ATRX: variants seen among roughly 807,000 people sequenced by gnomAD.
ATRX encodes the protein chromatin remodeler ATRX.
In ATRX, 12 loss-of-function variants were observed where a neutral mutation model predicts 172.6. The observed-to-expected ratio is 0.07, with a 90% CI of 0.04 to 0.11. The LOEUF is 0.11. Ranked by LOEUF, ATRX falls within the 10% of genes least tolerant of loss-of-function variation. The pLI, the probability that ATRX is intolerant of heterozygous loss-of-function variation, is 1.00. For missense variants in ATRX, 1,368 were observed against 1,767.4 expected (o/e 0.77, Z 4.05); for synonymous variants, 674 against 594.7 (o/e 1.13, Z -1.94).
At chrX:77,728,596 C>T (rs1468294183) in intron 1 of ATRX, among the ~76,000 whole-genome samples, 1 of 110,780 alleles carries the variant, frequency 9.0e-6, no homozygotes, top group Admixed American at 9.7e-5. Flanking sequence ...AATGACTATT[C>T]ATTGTAGGCT....
At chrX:77,758,615 G>A (rs1028678848) in intron 1 of ATRX, among the ~76,000 whole-genome samples, 6 of 108,165 alleles carry the variant, frequency 5.5e-5, no homozygotes, top group Non-Finnish European at 1.1e-4. Context: ...AAAATTAGCC[G>A]GGTGTGGTGG....
At chrX:77,779,148 T>G (rs1479921616) in intron 1 of ATRX, among the ~76,000 whole-genome samples, 1 of 97,357 alleles carries the variant, frequency 1.0e-5, no homozygotes, top group African/African-American at 3.8e-5. Flanking sequence ...TTTCACCATG[T>G]TAGCCAGGAT....
rs186404135 is a variant in ATRX, at chrX:77,593,684, T to C, written c.6110+12A>G. On this transcript the variant is annotated intron_variant, in intron 26 of 34. Coordinates refer to ENST00000373344, the MANE Select transcript of ATRX (RefSeq NM_000489.6). Reference sequence around the variant, plus strand: ...AGGTTAATTTATATAATAAATATGGTAAAGCACTTACACTTTATCCCCAAT... The same window carrying C: ...AGGTTAATTTATATAATAAATATGGCAAAGCACTTACACTTTATCCCCAAT... 60 of 1,198,417 alleles carry C rather than the reference T, an allele frequency of 5.0e-5. No homozygotes were observed. In the South Asian group the frequency reaches 9.0e-4, roughly 18 times the overall value.
At chrX:77,760,318 C>T (rs1420344724) in intron 1 of ATRX, among the ~76,000 whole-genome samples, 1 of 105,467 alleles carries the variant, frequency 9.5e-6, no homozygotes, top group Non-Finnish European at 1.9e-5. Context: ...CTTACATAAA[C>T]GTATAAAACT....
intron 4 of ATRX, 65 bp downstream of exon 4, chrX:77,697,518 G>C (rs1265761033): frequency 8.9e-7 from 1 of 1,118,080 alleles, no homozygotes; most frequent in African/African-American, 1.8e-5. Flanking sequence ...AAAAAAACAT[G>C]GTTTTAGAAA....
intron 19 of ATRX, among the ~76,000 whole-genome samples, chrX:77,629,158 C>T: frequency 8.9e-6 from 1 of 112,271 alleles, no homozygotes; most frequent in South Asian, 3.7e-4. Context: ...ATTTTGTTTC[C>T]ATCTTGAACT....
intron 27 of ATRX, among the ~76,000 whole-genome samples, chrX:77,583,167 G>A (rs1489283314): frequency 9.0e-6 from 1 of 111,629 alleles, no homozygotes; most frequent in Non-Finnish European, 1.9e-5. Flanking sequence ...CTCCAGGGAT[G>A]CAAGAATAGT....
At chrX:77,781,587 T>G (rs1189968312) in intron 1 of ATRX, among the ~76,000 whole-genome samples, 2 of 111,218 alleles carry the variant, frequency 1.8e-5, no homozygotes, top group African/African-American at 6.5e-5. Flanking sequence ...TTTACTCCCA[T>G]TTGAGCTTAT....
At chrX:77,700,196 G>A (rs1557152651) in intron 2 of ATRX, among the ~76,000 whole-genome samples, 1 of 111,517 alleles carries the variant, frequency 9.0e-6, no homozygotes, top group East Asian at 2.8e-4. Flanking sequence ...TATGTGAACA[G>A]ACACCTCACC....
intron 1 of ATRX, among the ~76,000 whole-genome samples, chrX:77,759,369 A>C (rs1384596100): frequency 2.7e-5 from 3 of 110,845 alleles, no homozygotes; most frequent in Non-Finnish European, 5.7e-5. Context: ...AAAAAAAAAA[A>C]ACAACAACTA....
chrX:77,668,449 T>A (rs1175712370), intron 10 of ATRX, among the ~76,000 whole-genome samples: 4 of 111,679 alleles, frequency 3.6e-5, no homozygotes, highest in Admixed American at 9.5e-5. Context: ...GCCCCTGGAA[T>A]CTCAATGCTC....
At chrX:77,622,103 CAAT>C (rs782180535) in intron 19 of ATRX, among the ~76,000 whole-genome samples, 1 of 111,565 alleles carries the variant, frequency 9.0e-6, no homozygotes, top group East Asian at 2.8e-4. Flanking sequence ...GTCAATTTTA[CAAT>C]AATTATCAAA....
chrX:77,686,378 A>G (rs1259761856), intron 7 of ATRX, among the ~76,000 whole-genome samples: 2 of 111,786 alleles, frequency 1.8e-5, no homozygotes, highest in Non-Finnish European at 3.8e-5. Context: ...TTTTTTTAAA[A>G]AAGGGAGTAT....
At chrX:77,527,561 A>G (rs1422665074) in intron 30 of ATRX, among the ~76,000 whole-genome samples, 2 of 112,188 alleles carry the variant, frequency 1.8e-5, no homozygotes, top group African/African-American at 6.5e-5. Context: ...AGTCTCAGCA[A>G]AACAGCAGCT....
chrX:77,567,366 A>G (rs1230237385), intron 28 of ATRX, among the ~76,000 whole-genome samples: 7 of 111,748 alleles, frequency 6.3e-5, no homozygotes, highest in Non-Finnish European at 1.3e-4. Flanking sequence ...CAAGAAACTC[A>G]CTTCAAATAC....
At chrX:77,590,096 T>C (rs1412585529) in intron 26 of ATRX, among the ~76,000 whole-genome samples, 156 bp from the exon 27 acceptor site, 1 of 111,680 alleles carries the variant, frequency 9.0e-6, no homozygotes, top group Non-Finnish European at 1.9e-5. Context: ...TATATGAGAA[T>C]GCCACCTCAG....
intron 21 of ATRX, among the ~76,000 whole-genome samples, 199 bp from the exon 22 acceptor site, chrX:77,616,929 G>A (rs1431265465): frequency 9.0e-6 from 1 of 111,311 alleles, no homozygotes; most frequent in East Asian, 2.8e-4. Context: ...TATACAATAT[G>A]GTACACTGGT....
Position 77,729,969 on chromosome X carries a change from T to G in ATRX, c.21-12726A>C, listed in dbSNP as rs1455315395. On this transcript the variant is annotated intron_variant, in intron 1 of 34. Coordinates refer to ENST00000373344, the MANE Select transcript of ATRX (RefSeq NM_000489.6). Reference sequence around the variant, plus strand: ...AATAAATAAAGTACAGTATAAGGCATATAGTTATTTGTTAATACCTATAAT... The same window carrying G: ...AATAAATAAAGTACAGTATAAGGCAGATAGTTATTTGTTAATACCTATAAT... 3.6e-5 allele frequency among the ~76,000 whole-genome samples: 4 copies of G among 111,980 alleles called. No homozygotes were observed. In the East Asian group the frequency reaches 1.1e-3, roughly 31 times the overall value.
chrX:77,747,931 T>A (rs1557185854), intron 1 of ATRX, among the ~76,000 whole-genome samples: 2 of 111,940 alleles, frequency 1.8e-5, no homozygotes, highest in Non-Finnish European at 3.8e-5. Flanking sequence ...AAATATATAT[T>A]ATTATGCAAA....
Sources: allele counts gnomAD v4.1 joint callset (sites outside exome capture counted in the v4.1 genomes callset), GRCh38; gene constraint gnomAD v4.1.1; transcripts MANE v1.5; gene names NCBI Gene and HGNC (gene_info 2026-07-23, HGNC 2026-07-21).